Variants in ALS2 observed in about 807,000 individuals in gnomAD.
ALS2 encodes the protein alsin Rho guanine nucleotide exchange factor ALS2.
Under a neutral mutation model 203.4 loss-of-function variants are expected in ALS2, and 117 were observed. The ratio of observed to expected loss-of-function variants is 0.58; its 90% CI spans 0.50 to 0.67. The LOEUF (loss-of-function observed/expected upper bound fraction) is 0.67. Among genes scored for constraint, ALS2 ranks in the 30% least tolerant of loss-of-function variants. The pLI, the probability that ALS2 is intolerant of heterozygous loss-of-function variation, is 0.00. For missense variants in ALS2, 1,715 were observed against 1,989.4 expected (o/e 0.86, Z 2.62); for synonymous variants, 718 against 725.9 (o/e 0.99, Z 0.17).
Position 201,724,295 on chromosome 2 carries a change from C to G in ALS2, c.3512G>C (p.Arg1171Thr). The change falls in exon 21 of 34, where the codon AGG becomes ACG. Residue 1171 changes from arginine (R) to threonine (T), a missense_variant and splice_region_variant. Coordinates refer to ENST00000264276, the MANE Select transcript of ALS2 (RefSeq NM_020919.4). ...AGYGVFDDIT[R>T]GEKYMGMWQD... ...TGGGAATAGAAGGAGAATACTGTAC[C>G]TAGTGATATCATCAAAGACACCATA... is the stretch of plus-strand genomic sequence containing the variant. 6.2e-7 allele frequency: 1 copy of G among 1,612,902 alleles called. No individual in the cohort carries two copies. The highest frequency in any genetic ancestry group is 8.5e-7 in the Non-Finnish European group (1 of 1,179,082).
In ALS2 at chr2:201,723,107, A is replaced by C. The variant is rs1690914791; in HGVS notation, c.3638T>G (p.Leu1213Trp). ...HLNKMMGNGV[L>W]LSEDDTIYEG... ...ATAGATAGTATCATCTTCGGAAAGC[A>C]AAACCCCATTTCCCTACAAGAAGAA... is the stretch of plus-strand genomic sequence containing the variant. Residue 1213 changes from leucine to tryptophan, a missense_variant, in exon 23 of 34, where the codon TTG becomes TGG. Coordinates refer to ENST00000264276, the MANE Select transcript of ALS2 (RefSeq NM_020919.4). The C allele has an allele frequency of 6.2e-7, 1 of 1,613,248 alleles. No individual in the cohort carries two copies.
intron 1 of ALS2, among the ~76,000 whole-genome samples, chr2:201,769,768 C>T (rs1278353491): frequency 6.6e-6 from 1 of 151,970 alleles, no homozygotes; most frequent in Non-Finnish European, 1.5e-5. Context: ...TTGTGTAAAC[C>T]ATAAAAATAT....
At chr2:201,734,229 C>A (rs1464767642) in intron 12 of ALS2, among the ~76,000 whole-genome samples, 2 of 152,162 alleles carry the variant, frequency 1.3e-5, no homozygotes, top group African/African-American at 4.8e-5. Flanking sequence ...AATCCCAGCA[C>A]TTTGGGCTGC....
chr2:201,746,343 C>A (rs945749828), intron 9 of ALS2, among the ~76,000 whole-genome samples: 1 of 152,078 alleles, frequency 6.6e-6, no homozygotes, highest in Non-Finnish European at 1.5e-5. Context: ...GTAAGGAGGA[C>A]AGACAATAGA....
chr2:201,744,983 T>C (rs1029528567), intron 9 of ALS2, among the ~76,000 whole-genome samples: 2 of 152,230 alleles, frequency 1.3e-5, no homozygotes, highest in African/African-American at 4.8e-5. Flanking sequence ...CAGATACCAC[T>C]GTATAAAAAA....
chr2:201,705,760 C>T (rs1312344850), intron 29 of ALS2, among the ~76,000 whole-genome samples: 1 of 149,770 alleles, frequency 6.7e-6, no homozygotes, highest in Non-Finnish European at 1.5e-5. Context: ...AATTAAAGCA[C>T]AAAATAAAAA....
At chr2:201,705,252 A>T (rs781093086) in intron 30 of ALS2, 52 bp from the exon 31 acceptor site, 17 of 1,570,270 alleles carry the variant, frequency 1.1e-5, no homozygotes, top group Middle Eastern at 1.7e-4. Context: ...CTGCAACAAC[A>T]GAAATAAATG....
chr2:201,779,133 C>T (rs1254635567), intron 1 of ALS2, among the ~76,000 whole-genome samples: 3 of 152,118 alleles, frequency 2.0e-5, no homozygotes, highest in East Asian at 1.9e-4. Flanking sequence ...AGTCAAAGTG[C>T]CCAAAGTAAG....
Position 201,727,286 on chromosome 2 carries a change from G to A in ALS2, c.2913-8C>T, listed in dbSNP as rs764690525. On this transcript the variant is annotated splice_polypyrimidine_tract_variant and splice_region_variant and intron_variant, in intron 16 of 33. Coordinates refer to ENST00000264276, the MANE Select transcript of ALS2 (RefSeq NM_020919.4). ...GTTATCTTTAAGCCATTCCTAAAAC[G>A]TTCACAAGGATAAATACCAGGACAT... 22 of 1,610,596 alleles carry A rather than the reference G, an allele frequency of 1.4e-5. No homozygotes were observed. Among genetic ancestry groups the A allele is most frequent in the Admixed American group, 1.3e-4 (8 of 59,988 alleles).
intron 16 of ALS2, 70 bp from the exon 17 acceptor site, chr2:201,727,348 T>C (rs1419417610): frequency 3.1e-6 from 4 of 1,283,528 alleles, no homozygotes; most frequent in Non-Finnish European, 4.5e-6. Flanking sequence ...TCCTCAAATA[T>C]GAAAAGCAAC....
At chr2:201,718,687 T>C (rs1690567247) in intron 23 of ALS2, among the ~76,000 whole-genome samples, 1 of 152,182 alleles carries the variant, frequency 6.6e-6, no homozygotes. Flanking sequence ...TAAAAGAGTA[T>C]ATGAAAATAA....
At chr2:201,759,225 A>C (rs1693605874) in intron 4 of ALS2, among the ~76,000 whole-genome samples, 1 of 152,160 alleles carries the variant, frequency 6.6e-6, no homozygotes, top group Non-Finnish European at 1.5e-5. Context: ...ATATAGTAAT[A>C]AGCCCTCCCC....
chr2:201,769,074 A>G, intron 1 of ALS2, 129 bp from the exon 2 acceptor site: 1 of 538,834 alleles, frequency 1.9e-6, no homozygotes, highest in South Asian at 2.9e-5. Context: ...AACTATTTAA[A>G]CTATTTCATA....
chr2:201,705,865 C>T (rs533059318), intron 29 of ALS2, among the ~76,000 whole-genome samples: 7 of 151,802 alleles, frequency 4.6e-5, no homozygotes, highest in Non-Finnish European at 1.0e-4. Context: ...ACGAGAATCA[C>T]TTGAACCTGG....
chr2:201,735,752 C>T (rs1323761505), intron 12 of ALS2, among the ~76,000 whole-genome samples: 1 of 152,258 alleles, frequency 6.6e-6, no homozygotes, highest in African/African-American at 2.4e-5. Context: ...GAATCTAACT[C>T]GGAAATACCA....
intron 14 of ALS2, 84 bp downstream of exon 14, chr2:201,728,968 G>A (rs1458074802): frequency 2.5e-6 from 4 of 1,601,732 alleles, no homozygotes; most frequent in East Asian, 4.5e-5. Context: ...CCACAAACAA[G>A]TGAGGAACAG....
chr2:201,721,788 T>A (rs1196863756), intron 23 of ALS2, among the ~76,000 whole-genome samples: 1 of 152,062 alleles, frequency 6.6e-6, no homozygotes. Context: ...CTCAGCCTCC[T>A]GAGTAGCTGG....
chr2:201,760,924 A>C lies in ALS2; in HGVS notation c.1070T>G (p.Val357Gly), dbSNP rs1314609891. 6.2e-7 allele frequency: 1 copy of C among 1,614,220 alleles called. No homozygotes were observed. The highest frequency in any genetic ancestry group is 1.3e-5 in the African/African-American group (1 of 75,050). The change falls in exon 4 of 34, where the codon GTA (valine) becomes GGA (glycine). Residue 357 changes from valine (V) to glycine (G), a missense_variant. Around this residue, in one of 3 missense-constraint regions of ALS2, gnomAD observed 476 missense variants for 539.3 expected, o/e 0.88. Coordinates refer to ENST00000264276, the MANE Select transcript of ALS2 (RefSeq NM_020919.4). Reference protein sequence around the residue: ...EYLRKLSDHSVREDSEHGEKP... With the variant: ...EYLRKLSDHSGREDSEHGEKP... ...TTCACCATGCTCTGAGTCCTCTCTT[A>C]CTGAATGATCTGACAGTTTCCGTAG...
In ALS2 at chr2:201,718,059, T is replaced by C; in HGVS notation, c.3836+18A>G. On this transcript the variant is annotated intron_variant, in intron 24 of 33. Transcript: ENST00000264276. Reference sequence around the variant, plus strand: ...CAAACATTCAATAATTAATCCAGAATTAACACTAGTTACTCACAAAACTTT... The same window carrying C: ...CAAACATTCAATAATTAATCCAGAACTAACACTAGTTACTCACAAAACTTT... The C allele has an allele frequency of 1.2e-6, 2 of 1,611,550 alleles. No homozygotes were observed. The highest frequency in any genetic ancestry group is 1.1e-5 in the South Asian group (1 of 90,984).
Sources: allele counts gnomAD v4.1 joint callset (sites outside exome capture counted in the v4.1 genomes callset), GRCh38; gene constraint gnomAD v4.1.1; regional missense constraint gnomAD v4.1.1; transcripts MANE v1.5; gene names NCBI Gene and HGNC (gene_info 2026-07-23, HGNC 2026-07-21).